The following RASEF variants were observed in gnomAD, a reference collection of about 807,000 sequenced individuals.
The protein encoded by RASEF is RAS and EF-hand domain containing.
A neutral mutation model predicts 90.1 loss-of-function variants in RASEF; 68 were observed. The observed-to-expected ratio is 0.75, with a 90% CI of 0.62 to 0.92. The LOEUF (loss-of-function observed/expected upper bound fraction) is 0.92. Among genes scored for constraint, RASEF ranks in the 40% least tolerant of loss-of-function variants. The pLI, the probability that RASEF is intolerant of heterozygous loss-of-function variation, is 0.00. For missense variants in RASEF, 949 were observed against 937.2 expected (o/e 1.01, Z -0.16); for synonymous variants, 331 against 345.2 (o/e 0.96, Z 0.46).
intron 1 of RASEF, among the ~76,000 whole-genome samples, chr9:83,060,529 G>A (rs1830184869): frequency 6.6e-6 from 1 of 152,142 alleles, no homozygotes; most frequent in Non-Finnish European, 1.5e-5. Flanking sequence ...GCCAGTATTT[G>A]GCATATGGCA....
chr9:83,128,551 G>A, the RASEF span, among the ~76,000 whole-genome samples: 1 of 150,544 alleles, frequency 6.6e-6, no homozygotes, highest in African/African-American at 2.5e-5. Flanking sequence ...CAGACACACT[G>A]GGAAATAAAC....
chr9:83,138,298 T>C, the RASEF span, among the ~76,000 whole-genome samples: 1 of 152,134 alleles, frequency 6.6e-6, no homozygotes, highest in African/African-American at 2.4e-5. Flanking sequence ...ACTAAATGCT[T>C]TGCAATTCTT....
At chr9:83,048,140 G>A (rs759689472) in intron 1 of RASEF, 6 of 985,246 alleles carry the variant, frequency 6.1e-6, no homozygotes, top group Middle Eastern at 5.2e-4. Flanking sequence ...AGGCCTCCAC[G>A]TTTGTAAACC....
chr9:83,197,986 A>G, the RASEF span, among the ~76,000 whole-genome samples: 2 of 152,216 alleles, frequency 1.3e-5, no homozygotes, highest in African/African-American at 4.8e-5. Flanking sequence ...ATCAGAGAGA[A>G]TCATCTTTTG....
At chr9:83,209,971 A>G in the RASEF span, among the ~76,000 whole-genome samples, 1 of 152,360 alleles carries the variant, frequency 6.6e-6, no homozygotes, top group East Asian at 1.9e-4. Flanking sequence ...TCTTATACAC[A>G]TAATGTTGAT....
chr9:83,012,616 C>A, intron 4 of RASEF, 105 bp from the exon 5 acceptor site: 3 of 482,166 alleles, frequency 6.2e-6, no homozygotes, highest in Non-Finnish European at 1.1e-5. Flanking sequence ...TAGAAGTCAC[C>A]AATTTTCAAC....
At chr9:83,150,764 A>T in the RASEF span, among the ~76,000 whole-genome samples, 1 of 152,198 alleles carries the variant, frequency 6.6e-6, no homozygotes, top group South Asian at 2.1e-4. Flanking sequence ...AGTTCTGTTT[A>T]TTCATCTTTA....
At chr9:83,149,507 G>A in the RASEF span, among the ~76,000 whole-genome samples, 1 of 152,188 alleles carries the variant, frequency 6.6e-6, no homozygotes. Context: ...TGGTGTGTAA[G>A]AAGGCATTGA....
the RASEF span, among the ~76,000 whole-genome samples, chr9:83,079,610 C>G: frequency 2.5e-4 from 38 of 152,120 alleles, no homozygotes; most frequent in African/African-American, 8.7e-4. Flanking sequence ...GATTACAATT[C>G]AATATGAGAT....
At chr9:83,094,931 C>T in the RASEF span, among the ~76,000 whole-genome samples, 1 of 152,136 alleles carries the variant, frequency 6.6e-6, no homozygotes, top group African/African-American at 2.4e-5. Flanking sequence ...TTAAGGTAGC[C>T]TCACGTCCAA....
the RASEF span, among the ~76,000 whole-genome samples, chr9:83,068,298 G>A: frequency 5.9e-5 from 9 of 152,224 alleles, no homozygotes; most frequent in Non-Finnish European, 1.0e-4. Flanking sequence ...TGGCACGCTG[G>A]TTCCCACCCC....
the RASEF span, among the ~76,000 whole-genome samples, chr9:83,174,301 CATTTTGAGTTA>C: frequency 2.6e-5 from 4 of 151,908 alleles, no homozygotes; most frequent in African/African-American, 9.6e-5. Flanking sequence ...ATTTTCAGTC[CATTTTGAGTTA>C]ATTTTGAGTT....
the RASEF span, among the ~76,000 whole-genome samples, chr9:83,165,091 C>T: frequency 1.3e-5 from 2 of 152,144 alleles, no homozygotes; most frequent in Middle Eastern, 6.8e-3. Context: ...TACTATTTAA[C>T]AGATCCATCA....
chr9:83,075,013 A>G, the RASEF span, among the ~76,000 whole-genome samples: 2 of 152,228 alleles, frequency 1.3e-5, no homozygotes, highest in African/African-American at 4.8e-5. Context: ...GAAAATACCA[A>G]CTGACCATCA....
the RASEF span, among the ~76,000 whole-genome samples, chr9:83,167,720 G>A: frequency 1.3e-5 from 2 of 152,010 alleles, no homozygotes; most frequent in Non-Finnish European, 2.9e-5. Flanking sequence ...TCTACTTTCT[G>A]TCTATACAAA....
chr9:83,078,052 T>C, the RASEF span, among the ~76,000 whole-genome samples: 15 of 152,204 alleles, frequency 9.9e-5, no homozygotes. Flanking sequence ...GGATAGTTCC[T>C]GGGGCAGCAG....
chr9:83,048,301 C>T (rs948312934), intron 1 of RASEF: 2 of 985,366 alleles, frequency 2.0e-6, no homozygotes, highest in Non-Finnish European at 2.4e-6. Flanking sequence ...GGCGTCACTT[C>T]TCTGTGGTAG....
chr9:83,097,971 C>A, the RASEF span, among the ~76,000 whole-genome samples: 1 of 152,134 alleles, frequency 6.6e-6, no homozygotes, highest in Non-Finnish European at 1.5e-5. Flanking sequence ...GATGTTATTT[C>A]TTATTTCTTA....
chr9:83,142,213 T>A, the RASEF span, among the ~76,000 whole-genome samples: 2 of 152,250 alleles, frequency 1.3e-5, no homozygotes, highest in Non-Finnish European at 2.9e-5. Flanking sequence ...GAAAAAACAA[T>A]CACACTGAAA....
Sources: gnomAD v4.1 joint callset for allele counts (sites outside exome capture counted in the v4.1 genomes callset) on GRCh38, gnomAD v4.1.1 for gene constraint, MANE v1.5 for transcripts, NCBI Gene and HGNC (gene_info 2026-07-23, HGNC 2026-07-21) for gene names.